The following IPO11 variants were observed in gnomAD, a reference collection of about 807,000 sequenced individuals.
IPO11 encodes importin 11, also known as importin-11.
In IPO11, 66 loss-of-function variants were observed where a neutral mutation model predicts 143.2. The observed-to-expected ratio is 0.46, with a 90% CI of 0.38 to 0.57. The LOEUF (loss-of-function observed/expected upper bound fraction) is 0.57, where lower values mean the gene tolerates loss of function less well. IPO11 is among the 20% of genes least tolerant of loss of function. IPO11 has a pLI of 0.00. For synonymous variants in IPO11, 385 were observed against 377.8 expected (o/e 1.02, Z -0.22); for missense variants, 1,026 against 1,141.0 (o/e 0.90, Z 1.45).
At chr5:62,542,855 A>G (rs1743012086) in intron 24 of IPO11, among the ~76,000 whole-genome samples, 1 of 152,226 alleles carries the variant, frequency 6.6e-6, no homozygotes, top group African/African-American at 2.4e-5. Context: ...CATATTAAGC[A>G]ATGTTAAGCC....
chr5:62,554,518 C>G (rs1487881901), intron 26 of IPO11, among the ~76,000 whole-genome samples: 2 of 152,150 alleles, frequency 1.3e-5, no homozygotes, highest in East Asian at 3.9e-4. Flanking sequence ...TTTCTGGCAC[C>G]ATCGTTGAAG....
chr5:62,598,412 C>A lies in IPO11; in HGVS notation c.2679-3352C>A, dbSNP rs377702759. On this transcript the variant is annotated intron_variant, in intron 28 of 29. Coordinates refer to ENST00000325324, the MANE Select transcript of IPO11 (RefSeq NM_016338.5). The stretch of plus-strand genomic sequence containing the variant: ...GCTTGCTTTCTTTCTTTCTTTCTTT[C>A]TTTCTTTCTTTCTTTCTTTCTCTCT... Among the ~76,000 whole-genome samples, 8 of 14,188 alleles carry A rather than the reference C, an allele frequency of 5.6e-4. 2 individuals carry two copies. Among genetic ancestry groups the A allele is most frequent in the African/African-American group, 1.3e-3 (2 of 1,490 alleles). The allele number at this position is 14,188 out of a possible 152,430, so 9.3% of individuals were successfully genotyped here. A position where few individuals can be genotyped will look rare whatever the true frequency, so the allele number is the denominator to read the frequency against.
At chr5:62,528,452 T>C (rs1407990349) in intron 21 of IPO11, among the ~76,000 whole-genome samples, 2 of 152,114 alleles carry the variant, frequency 1.3e-5, no homozygotes, top group Admixed American at 6.6e-5. Flanking sequence ...AAGAGGAGCA[T>C]AGACATGGGG....
chr5:62,427,500 C>T (rs775374683), intron 1 of IPO11, among the ~76,000 whole-genome samples: 5 of 152,176 alleles, frequency 3.3e-5, no homozygotes, highest in Non-Finnish European at 7.4e-5. Context: ...TCAGTCAGTC[C>T]GTGGCCTGCT....
chr5:62,580,489 T>C, intron 27 of IPO11: 1 of 1,551,466 alleles, frequency 6.4e-7, no homozygotes, highest in Non-Finnish European at 8.7e-7. Flanking sequence ...GTTGTCTTCA[T>C]TGATTCATCT....
chr5:62,435,073 T>TATATATATGC (rs1744126334), intron 1 of IPO11, among the ~76,000 whole-genome samples: 5 of 111,234 alleles, frequency 4.5e-5, no homozygotes, highest in Non-Finnish European at 9.2e-5. Context: ...TATATATATG[T>TATATATATGC]ATATATATGT....
chr5:62,525,904 G>A lies in IPO11; in HGVS notation c.1897-238G>A, dbSNP rs1742355879. 3.9e-5 allele frequency among the ~76,000 whole-genome samples: 6 copies of A among 152,178 alleles called. No homozygotes were observed. In the South Asian group the frequency reaches 1.2e-3, roughly 32 times the overall value. The stretch of plus-strand genomic sequence containing the variant: ...AGTCTATTAAAATGAACAGATGTAT[G>A]TAGCCTTGACATATATATTTTTTAA... On this transcript the variant is annotated intron_variant, in intron 20 of 29. Transcript: ENST00000325324.
chr5:62,474,371 T>A (rs1456422242), intron 7 of IPO11, 45 bp from the exon 8 acceptor site: 4 of 1,205,832 alleles, frequency 3.3e-6, no homozygotes, highest in Non-Finnish European at 4.7e-6. Context: ...AAGGTAAATG[T>A]TTATAACAAT....
chr5:62,503,425 A>G (rs1358255479), intron 16 of IPO11, among the ~76,000 whole-genome samples: 4 of 148,260 alleles, frequency 2.7e-5, no homozygotes, highest in South Asian at 4.3e-4. Context: ...TAATATATTA[A>G]TAGTATCTAT....
chr5:62,571,623 A>G (rs1203068294), intron 27 of IPO11, among the ~76,000 whole-genome samples: 1 of 152,134 alleles, frequency 6.6e-6, no homozygotes, highest in Non-Finnish European at 1.5e-5. Context: ...CCTTTTGACA[A>G]TACATTTTTC....
At chr5:62,604,789 G>A (rs1013441401) in intron 29 of IPO11, among the ~76,000 whole-genome samples, 1 of 152,092 alleles carries the variant, frequency 6.6e-6, no homozygotes, top group East Asian at 1.9e-4. Context: ...TAGATATGCT[G>A]AGGATACCAC....
chr5:62,518,905 T>A (rs977052438), intron 20 of IPO11, among the ~76,000 whole-genome samples: 1 of 152,212 alleles, frequency 6.6e-6, no homozygotes, highest in African/African-American at 2.4e-5. Context: ...GGCTACAGAA[T>A]ACAAATGAAT....
intron 7 of IPO11, among the ~76,000 whole-genome samples, chr5:62,473,472 C>G (rs1029053935): frequency 1.3e-5 from 2 of 152,076 alleles, no homozygotes; most frequent in African/African-American, 4.8e-5. Context: ...ATGAAATTGT[C>G]TAAGGAAAAT....
intron 5 of IPO11, among the ~76,000 whole-genome samples, chr5:62,461,083 A>G (rs1745343153): frequency 1.3e-5 from 2 of 152,178 alleles, no homozygotes; most frequent in African/African-American, 2.4e-5. Flanking sequence ...AACTTTTCAA[A>G]CACTTGTAAA....
intron 16 of IPO11, among the ~76,000 whole-genome samples, chr5:62,499,098 G>A (rs1312032862): frequency 6.6e-6 from 1 of 152,148 alleles, no homozygotes; most frequent in East Asian, 1.9e-4. Context: ...CTACCAACCA[G>A]CATAGACATA....
chr5:62,418,235 G>T lies in IPO11; in HGVS notation c.-7+5306G>T, dbSNP rs548847816. Reference sequence around the variant, plus strand: ...AGCTGGAGTGCAGTGGCACCATCTCGGCTCACTGCGACCTCCGCCTTCTGG... The same window carrying T: ...AGCTGGAGTGCAGTGGCACCATCTCTGCTCACTGCGACCTCCGCCTTCTGG... On this transcript the variant is annotated intron_variant, in intron 1 of 29. Transcript: ENST00000325324. 4.0e-5 allele frequency among the ~76,000 whole-genome samples: 6 copies of T among 151,426 alleles called. No individual in the cohort carries two copies. The East Asian group carries it at 1.2e-3, about 29-fold the overall frequency.
intron 5 of IPO11, 106 bp downstream of exon 5, chr5:62,452,039 A>G (rs982763386): frequency 2.4e-6 from 2 of 849,190 alleles, no homozygotes; most frequent in Admixed American, 3.8e-5. Flanking sequence ...CGGGTGGATC[A>G]CGAGGTCAGG....
chr5:62,461,520 G>A (rs963479796), intron 5 of IPO11, among the ~76,000 whole-genome samples: 1 of 152,230 alleles, frequency 6.6e-6, no homozygotes, highest in Non-Finnish European at 1.5e-5. Flanking sequence ...AGGAGAGGCT[G>A]TTTGTCGAAA....
At chr5:62,525,991 T>G in intron 20 of IPO11, 151 bp from the exon 21 acceptor site, 1 of 615,572 alleles carries the variant, frequency 1.6e-6, no homozygotes. Context: ...AAACAGAACT[T>G]TGTTTTGCTA....
Sources: gnomAD v4.1 joint callset for allele counts (sites outside exome capture counted in the v4.1 genomes callset) on GRCh38, gnomAD v4.1.1 for gene constraint, MANE v1.5 for transcripts, NCBI Gene and HGNC (gene_info 2026-07-23, HGNC 2026-07-21) for gene names.